UBE4B: variants seen among roughly 807,000 people sequenced by gnomAD.
The protein encoded by UBE4B is ubiquitin conjugation factor E4 B.
A neutral mutation model predicts 148.1 loss-of-function variants in UBE4B; 27 were observed. That is an observed-to-expected ratio of 0.18 (90% confidence interval 0.13 to 0.25). The LOEUF (loss-of-function observed/expected upper bound fraction) is 0.25, where lower values mean the gene tolerates loss of function less well. Ranked by LOEUF, UBE4B falls within the 10% of genes least tolerant of loss-of-function variation. The probability of loss-of-function intolerance (pLI) is 1.00; values close to 1 mark genes in which losing one functional copy is unlikely to be tolerated. For synonymous variants in UBE4B, 596 were observed against 619.3 expected (o/e 0.96, Z 0.56); for missense variants, 1,170 against 1,662.4 (o/e 0.70, Z 5.15).
At chr1:10,094,951 G>A (rs1224998232) in intron 2 of UBE4B, among the ~76,000 whole-genome samples, 1 of 151,968 alleles carries the variant, frequency 6.6e-6, no homozygotes, top group East Asian at 1.9e-4. Flanking sequence ...GCTAATTTTT[G>A]TATTTTTAAT....
intron 7 of UBE4B, among the ~76,000 whole-genome samples, chr1:10,109,991 G>A (rs1015313657): frequency 6.6e-6 from 1 of 152,062 alleles, no homozygotes; most frequent in East Asian, 1.9e-4. Flanking sequence ...GAGCCACTGC[G>A]TCCAGCCAAA....
chr1:10,168,055 C>G lies in UBE4B; in HGVS notation c.3199-81C>G. The stretch of plus-strand genomic sequence containing the variant: ...CTAAGCATGTTGGGTTTATCACGCA[C>G]TTTCCAGTTATGTGCTTGGCGCTTT... On this transcript the variant is annotated intron_variant, in intron 23 of 27. Transcript: ENST00000343090. The surrounding 1 kb of genome is among the most constrained non-coding windows in gnomAD (Gnocchi z 4.9). The G allele has an allele frequency of 1.3e-6, 2 of 1,497,612 alleles. No homozygotes were observed. The highest frequency in any genetic ancestry group is 1.8e-6 in the Non-Finnish European group (2 of 1,120,038). 92.8% of individuals were successfully genotyped at this position (1,497,612 alleles called of 1,614,324 possible).
At chr1:10,073,505 T>C (rs935955448) in intron 2 of UBE4B, among the ~76,000 whole-genome samples, 1 of 152,034 alleles carries the variant, frequency 6.6e-6, no homozygotes, top group African/African-American at 2.4e-5. Context: ...GTGGATCAGT[T>C]GAGGTCAGGA....
intron 22 of UBE4B, among the ~76,000 whole-genome samples, chr1:10,159,882 C>G (rs951269102): frequency 6.6e-6 from 1 of 152,174 alleles, no homozygotes; most frequent in African/African-American, 2.4e-5. Context: ...CCATAAACTG[C>G]TCTTATGGTC....
At chr1:10,114,980 T>G (rs1645283460) in intron 7 of UBE4B, among the ~76,000 whole-genome samples, 1 of 152,154 alleles carries the variant, frequency 6.6e-6, no homozygotes, top group African/African-American at 2.4e-5. Flanking sequence ...ACCTACTCAG[T>G]CGGCAGGGAG....
At chr1:10,064,657 C>T (rs1204448490) in intron 1 of UBE4B, among the ~76,000 whole-genome samples, 1 of 152,146 alleles carries the variant, frequency 6.6e-6, no homozygotes, top group Non-Finnish European at 1.5e-5. Flanking sequence ...CTCTCAACAG[C>T]CCTGGCTAGT....
At chr1:10,111,528 G>A (rs367826428) in intron 7 of UBE4B, among the ~76,000 whole-genome samples, 36 of 152,218 alleles carry the variant, frequency 2.4e-4, no homozygotes, top group African/African-American at 8.2e-4. Context: ...GCACACCGTC[G>A]TTCTTCATCC....
chr1:10,088,345 AC>A (rs1371245579), intron 2 of UBE4B, among the ~76,000 whole-genome samples: 4 of 152,034 alleles, frequency 2.6e-5, no homozygotes, highest in African/African-American at 9.7e-5. Context: ...TTCTTCACAG[AC>A]TTGAAATGTC....
intron 6 of UBE4B, 130 bp downstream of exon 6, chr1:10,105,874 T>C: frequency 9.8e-7 from 1 of 1,022,022 alleles, no homozygotes; most frequent in Non-Finnish European, 1.4e-6. Context: ...TTTGGGGAGG[T>C]GGATTTAGTC....
intron 17 of UBE4B, among the ~76,000 whole-genome samples, chr1:10,140,789 T>G (rs1194073243): frequency 6.6e-6 from 1 of 152,218 alleles, no homozygotes; most frequent in African/African-American, 2.4e-5. Context: ...ATATGCGTAT[T>G]GGAAAGAGGA....
chr1:10,122,149 T>C, intron 10 of UBE4B, 73 bp downstream of exon 10: 1 of 1,028,006 alleles, frequency 9.7e-7, no homozygotes, highest in Non-Finnish European at 1.4e-6. Flanking sequence ...TTCTGACCAT[T>C]GAAAACTTTT....
chr1:10,145,161 C>T (rs1398771270), intron 18 of UBE4B, 122 bp downstream of exon 18: 1 of 668,816 alleles, frequency 1.5e-6, no homozygotes, highest in Non-Finnish European at 2.5e-6. Context: ...CTTTTCCCTT[C>T]CAATAAAATA....
At chr1:10,158,322 C>G (rs1209259819) in intron 21 of UBE4B, 34 bp from the exon 22 acceptor site, 1 of 1,607,908 alleles carries the variant, frequency 6.2e-7, no homozygotes, top group South Asian at 1.1e-5. Context: ...CAAGAAAATA[C>G]ATATCCCTCA....
chr1:10,136,495 A>G (rs6688779), intron 16 of UBE4B, among the ~76,000 whole-genome samples: 7,198 of 152,044 alleles, frequency 0.047, 444 homozygotes, highest in East Asian at 0.13. Context: ...AAAAAAAAAA[A>G]AAAAAAGATT....
chr1:10,101,299 TC>T, intron 4 of UBE4B, 104 bp downstream of exon 4: 1 of 1,034,748 alleles, frequency 9.7e-7, no homozygotes, highest in Non-Finnish European at 1.4e-6. Context: ...AATCAGGAAG[TC>T]CTAGGCAGGT....
intron 1 of UBE4B, among the ~76,000 whole-genome samples, chr1:10,060,817 T>C (rs1644270299): frequency 6.6e-6 from 1 of 152,084 alleles, no homozygotes; most frequent in East Asian, 1.9e-4. Context: ...TAGAGTGCAG[T>C]GGTGCAATTG....
chr1:10,118,428 C>G (rs992807024), intron 8 of UBE4B, among the ~76,000 whole-genome samples: 4 of 152,100 alleles, frequency 2.6e-5, no homozygotes, highest in African/African-American at 9.7e-5. Flanking sequence ...ACCTCCACCT[C>G]CTAGGTTCAA....
chr1:10,143,034 GGAGGTA>G (rs1645808224), intron 17 of UBE4B, among the ~76,000 whole-genome samples: 1 of 152,136 alleles, frequency 6.6e-6, no homozygotes, highest in South Asian at 2.1e-4. Context: ...TTTGAACCCA[GGAGGTA>G]GAGGTTGCAA....
At chr1:10,132,094 C>T (rs1278147842) in intron 14 of UBE4B, among the ~76,000 whole-genome samples, 1 of 152,142 alleles carries the variant, frequency 6.6e-6, no homozygotes, top group Non-Finnish European at 1.5e-5. Context: ...TGCACCACTG[C>T]ACTCCAGCCT....
Sources: allele counts gnomAD v4.1 joint callset (sites outside exome capture counted in the v4.1 genomes callset), GRCh38; gene constraint gnomAD v4.1.1; non-coding constraint Gnocchi (gnomAD v3.1); transcripts MANE v1.5; gene names NCBI Gene and HGNC (gene_info 2026-07-23, HGNC 2026-07-21).